The following LPP variants were observed in gnomAD, a reference collection of about 807,000 sequenced individuals.
LPP encodes LIM domain containing preferred translocation partner in lipoma.
LPP carries 38 observed loss-of-function variants against 60.4 expected under a neutral mutation model. That is an observed-to-expected ratio of 0.63 (90% confidence interval 0.49 to 0.83). The LOEUF is 0.83. LPP is among the 40% of genes least tolerant of loss of function. The probability of loss-of-function intolerance (pLI) is 0.00; values close to 1 mark genes in which losing one functional copy is unlikely to be tolerated. For missense variants in LPP, 902 were observed against 783.6 expected, an observed-to-expected ratio of 1.15 and a Z score of -1.80; for synonymous variants, 328 against 290.8, an observed-to-expected ratio of 1.13 and a Z score of -1.30.
intron 9 of LPP, among the ~76,000 whole-genome samples, chr3:188,848,542 T>C (rs1762015466): frequency 6.6e-6 from 1 of 152,244 alleles, no homozygotes; most frequent in Non-Finnish European, 1.5e-5. Flanking sequence ...TGTCTTTTCC[T>C]TATGGCATGC....
Position 188,732,926 on chromosome 3 carries a change from A to G in LPP, c.1240+24533A>G, listed in dbSNP as rs533282768. 1.0e-3 allele frequency among the ~76,000 whole-genome samples: 153 copies of G among 152,008 alleles called. 1 individual carries two copies. The highest frequency in any genetic ancestry group is 3.6e-3 in the African/African-American group (151 of 41,466). ...GAAAGTTCTTTTTGTTTGACTATTC[A>G]TTCTGTCATCTCACCTTAGTGGTAA... On this transcript the variant is annotated intron_variant, in intron 8 of 11. Coordinates refer to ENST00000617246, the MANE Select transcript of LPP (RefSeq NM_001375462.1).
intron 7 of LPP, among the ~76,000 whole-genome samples, chr3:188,645,565 G>T (rs1850956222): frequency 6.6e-6 from 1 of 152,186 alleles, no homozygotes; most frequent in African/African-American, 2.4e-5. Flanking sequence ...CTTTTCATTA[G>T]GAGACAAATG....
chr3:188,268,017 A>ATTTTTT (rs5855185), intron 2 of LPP, among the ~76,000 whole-genome samples: 5 of 102,344 alleles, frequency 4.9e-5, no homozygotes, highest in Non-Finnish European at 7.8e-5. Flanking sequence ...ATTTTTAAGG[A>ATTTTTT]TTTTTTTTTT....
At chr3:188,667,351 G>A (rs1407469965) in intron 7 of LPP, among the ~76,000 whole-genome samples, 8 of 151,804 alleles carry the variant, frequency 5.3e-5, no homozygotes, top group South Asian at 2.1e-4. Context: ...GGTGGTGGGC[G>A]CCTGTAGTCC....
chr3:188,514,999 T>G (rs16863398), intron 5 of LPP, among the ~76,000 whole-genome samples: 13,212 of 152,158 alleles, frequency 0.087, 1,447 homozygotes, highest in African/African-American at 0.25. Context: ...GTGAGTGTGT[T>G]AGGGCTGAAA....
chr3:188,345,630 T>C (rs957556220), intron 3 of LPP, among the ~76,000 whole-genome samples: 3 of 152,224 alleles, frequency 2.0e-5, no homozygotes, highest in Non-Finnish European at 4.4e-5. Context: ...TAGCAGTGTC[T>C]CTCACCCTTT....
At chr3:188,595,018 T>C (rs923078788) in intron 6 of LPP, among the ~76,000 whole-genome samples, 1 of 152,152 alleles carries the variant, frequency 6.6e-6, no homozygotes, top group Non-Finnish European at 1.5e-5. Flanking sequence ...TAAAGATAAA[T>C]TATGAAAATA....
chr3:188,569,927 T>C (rs926406732), intron 6 of LPP, among the ~76,000 whole-genome samples: 7 of 152,074 alleles, frequency 4.6e-5, no homozygotes, highest in African/African-American at 1.4e-4. Flanking sequence ...AAAAAGTCCA[T>C]GCTCATTTGC....
chr3:188,715,834 G>A (rs987517196), intron 8 of LPP, among the ~76,000 whole-genome samples: 8 of 152,142 alleles, frequency 5.3e-5, no homozygotes, highest in African/African-American at 1.7e-4. Context: ...TAATATTCTG[G>A]CTGAGGAGCC....
chr3:188,813,365 A>G (rs1751603110), intron 9 of LPP, among the ~76,000 whole-genome samples: 1 of 152,218 alleles, frequency 6.6e-6, no homozygotes. Flanking sequence ...AGTATTTTGC[A>G]TGAATGATCT....
intron 9 of LPP, among the ~76,000 whole-genome samples, chr3:188,818,115 G>A (rs977359374): frequency 3.3e-5 from 5 of 152,224 alleles, no homozygotes; most frequent in Admixed American, 6.5e-5. Context: ...ATCAATCCCG[G>A]TATTGAGCAA....
chr3:188,404,963 G>A (rs995678996), intron 3 of LPP, among the ~76,000 whole-genome samples: 5 of 152,144 alleles, frequency 3.3e-5, no homozygotes, highest in African/African-American at 1.2e-4. Context: ...CCCTGACAGA[G>A]GAGACATTTC....
intron 7 of LPP, among the ~76,000 whole-genome samples, chr3:188,697,094 A>G (rs777588596): frequency 1.3e-5 from 2 of 152,174 alleles, no homozygotes; most frequent in Non-Finnish European, 2.9e-5. Context: ...TCACTTAGGC[A>G]CTTTGTCTGC....
rs947741782 is a variant in LPP, at chr3:188,817,023, T to C, written c.1411-49177T>C. Among the ~76,000 whole-genome samples, 14 of 152,330 alleles carry C rather than the reference T, an allele frequency of 9.2e-5. No individual in the cohort carries two copies. In the East Asian group the frequency reaches 2.7e-3, roughly 29 times the overall value. ...CCAAGAGTTTCTTTGCCTTTTTGAT[T>C]GTTGCATGGAAACAAGTATTTGCAA... On this transcript the variant is annotated intron_variant, in intron 9 of 11. Coordinates refer to ENST00000617246, the MANE Select transcript of LPP (RefSeq NM_001375462.1).
chr3:188,385,902 T>A (rs539760385), intron 3 of LPP, among the ~76,000 whole-genome samples: 1 of 152,196 alleles, frequency 6.6e-6, no homozygotes, highest in African/African-American at 2.4e-5. Flanking sequence ...GCTAGTATAC[T>A]CTTCTTTCTT....
intron 7 of LPP, among the ~76,000 whole-genome samples, chr3:188,686,690 A>G (rs1388810023): frequency 6.6e-6 from 1 of 152,196 alleles, no homozygotes; most frequent in Non-Finnish European, 1.5e-5. Flanking sequence ...TGGGCAGCCA[A>G]GACTAAGAAT....
chr3:188,279,037 C>T (rs563808522), intron 2 of LPP, among the ~76,000 whole-genome samples: 10 of 152,262 alleles, frequency 6.6e-5, no homozygotes, highest in Admixed American at 3.9e-4. Flanking sequence ...GCACAGGGAA[C>T]GTTCATCTCA....
intron 8 of LPP, among the ~76,000 whole-genome samples, chr3:188,741,264 GT>G (rs1351942470): frequency 6.6e-6 from 1 of 151,454 alleles, no homozygotes; most frequent in Non-Finnish European, 1.5e-5. Flanking sequence ...GGGAGATTCT[GT>G]AATTTAAGTT....
At chr3:188,237,181 C>A (rs2149410643) in intron 2 of LPP, among the ~76,000 whole-genome samples, 1 of 152,300 alleles carries the variant, frequency 6.6e-6, no homozygotes, top group East Asian at 1.9e-4. Context: ...CCCTCCTTAT[C>A]CATTCAAGTT....
Sources: allele counts gnomAD v4.1 joint callset (sites outside exome capture counted in the v4.1 genomes callset), GRCh38; gene constraint gnomAD v4.1.1; transcripts MANE v1.5; gene names NCBI Gene and HGNC (gene_info 2026-07-23, HGNC 2026-07-21).